The following TRDN variants were observed in gnomAD, a reference collection of about 807,000 sequenced individuals.
The protein encoded by TRDN is triadin, also known as triadin in skeletal muscle.
TRDN carries 161 observed loss-of-function variants against 149.7 expected under a neutral mutation model. The observed-to-expected ratio is 1.08, with a 90% CI of 0.95 to 1.23. The LOEUF is 1.23. TRDN is among the 50% of genes most tolerant of loss of function. The pLI is 0.00. For synonymous variants in TRDN, 294 were observed against 250.5 expected (o/e 1.17, Z -1.64); for missense variants, 896 against 823.5 (o/e 1.09, Z -1.08).
intron 24 of TRDN, among the ~76,000 whole-genome samples, chr6:123,279,464 T>C (rs980777306): frequency 5.9e-5 from 9 of 152,270 alleles, no homozygotes; most frequent in African/African-American, 2.2e-4. Context: ...GCTCTATTCA[T>C]AGTCAGTTTT....
At chr6:123,544,852 A>G (rs1430275243) in intron 4 of TRDN, among the ~76,000 whole-genome samples, 4 of 151,978 alleles carry the variant, frequency 2.6e-5, no homozygotes, top group Non-Finnish European at 5.9e-5. Context: ...CAGATTCCAC[A>G]GGCTAGCAGA....
chr6:123,474,109 G>A (rs1037274371), intron 9 of TRDN, among the ~76,000 whole-genome samples: 1 of 151,856 alleles, frequency 6.6e-6, no homozygotes, highest in African/African-American at 2.4e-5. Flanking sequence ...AACTTTAAAT[G>A]TCAATGGACT....
At chr6:123,428,579 C>T (rs1309229865) in intron 12 of TRDN, among the ~76,000 whole-genome samples, 1 of 152,212 alleles carries the variant, frequency 6.6e-6, no homozygotes, top group Non-Finnish European at 1.5e-5. Flanking sequence ...TCATCTGCCA[C>T]TTGCAAGATC....
chr6:123,294,186 T>C (rs116408602), intron 24 of TRDN, among the ~76,000 whole-genome samples: 1,544 of 152,248 alleles, frequency 0.01, 33 homozygotes, highest in African/African-American at 0.035. Context: ...TTAACAACCG[T>C]GGACAAGTTG....
chr6:123,474,258 C>A (rs1442379064), intron 9 of TRDN, among the ~76,000 whole-genome samples: 3 of 151,606 alleles, frequency 2.0e-5, no homozygotes, highest in Non-Finnish European at 4.4e-5. Flanking sequence ...ATCTACCAAG[C>A]AAATGGAAAA....
intron 35 of TRDN, 78 bp from the exon 36 acceptor site, chr6:123,255,980 T>G (rs1453498539): frequency 2.4e-6 from 2 of 821,430 alleles, no homozygotes; most frequent in Non-Finnish European, 3.3e-6. Flanking sequence ...GGGATACATG[T>G]GCAGAACATG....
chr6:123,570,165 G>A (rs1231821772), intron 2 of TRDN, among the ~76,000 whole-genome samples: 2 of 152,098 alleles, frequency 1.3e-5, no homozygotes, highest in African/African-American at 4.8e-5. Context: ...GGAGGGGAGA[G>A]TACATATGAG....
intron 1 of TRDN, among the ~76,000 whole-genome samples, chr6:123,610,889 A>T (rs1307300458): frequency 1.3e-5 from 2 of 152,184 alleles, no homozygotes; most frequent in African/African-American, 4.8e-5. Flanking sequence ...ATCAGATCCT[A>T]AAAATGTGCC....
intron 25 of TRDN, 89 bp downstream of exon 25, chr6:123,278,967 A>G: frequency 8.2e-7 from 1 of 1,215,684 alleles, no homozygotes; most frequent in African/African-American, 1.6e-5. Context: ...ACATGAAATC[A>G]AGATAAATAA....
intron 8 of TRDN, chr6:123,502,470 A>T (rs969908132): frequency 3.7e-6 from 3 of 800,816 alleles, no homozygotes; most frequent in East Asian, 1.3e-4. Flanking sequence ...CACTAAAAAA[A>T]GAAAAAATCT....
At chr6:123,229,859 A>T (rs897872054) in intron 38 of TRDN, among the ~76,000 whole-genome samples, 12 of 151,996 alleles carry the variant, frequency 7.9e-5, no homozygotes, top group Non-Finnish European at 8.8e-5. Context: ...TGTAGGTTTG[A>T]TAAGTGAATT....
intron 2 of TRDN, among the ~76,000 whole-genome samples, chr6:123,560,382 T>C (rs2114495291): frequency 6.6e-6 from 1 of 152,264 alleles, no homozygotes; most frequent in Non-Finnish European, 1.5e-5. Flanking sequence ...CAAGCTGTTT[T>C]ATAGGTGAAA....
intron 6 of TRDN, among the ~76,000 whole-genome samples, chr6:123,514,931 T>C (rs1583173429): frequency 6.6e-6 from 1 of 151,108 alleles, no homozygotes; most frequent in Non-Finnish European, 1.5e-5. Context: ...TTGTCAGGGG[T>C]TTGGGGGCAA....
intron 19 of TRDN, among the ~76,000 whole-genome samples, chr6:123,372,181 A>G (rs182090820): frequency 6.6e-6 from 1 of 152,092 alleles, no homozygotes; most frequent in Non-Finnish European, 1.5e-5. Flanking sequence ...CAAAAAAAAA[A>G]CCATGCAATT....
At chr6:123,583,752 C>G (rs1268512558) in intron 1 of TRDN, among the ~76,000 whole-genome samples, 1 of 152,084 alleles carries the variant, frequency 6.6e-6, no homozygotes, top group African/African-American at 2.4e-5. Flanking sequence ...AAGTGTCTAC[C>G]TAGACTAACA....
chr6:123,553,575 A>G (rs918400456), intron 2 of TRDN, among the ~76,000 whole-genome samples: 8 of 152,188 alleles, frequency 5.3e-5, no homozygotes, highest in African/African-American at 1.7e-4. Flanking sequence ...TACTGCTGAT[A>G]AAGACACACC....
Position 123,502,958 on chromosome 6 carries a change from C to T in TRDN, c.793+761G>A, listed in dbSNP as rs914908370. The T allele has an allele frequency of 3.7e-5, 36 of 985,112 alleles. No individual in the cohort carries two copies. The African/African-American group carries it at 6.1e-4, about 17-fold the overall frequency. 61.0% of individuals were successfully genotyped at this position (985,112 alleles called of 1,614,324 possible). On this transcript the variant is annotated intron_variant, in intron 8 of 40. Transcript: ENST00000334268. ...GCCAGAGATGTGGTACGATAAGACC[C>T]TTAGTTGCCCTCCTAAACCTTCAGC...
At chr6:123,601,404 A>G (rs1406071708) in intron 1 of TRDN, among the ~76,000 whole-genome samples, 1 of 152,162 alleles carries the variant, frequency 6.6e-6, no homozygotes, top group Non-Finnish European at 1.5e-5. Flanking sequence ...GCATACCCAT[A>G]GGATTTAAGA....
intron 2 of TRDN, among the ~76,000 whole-genome samples, chr6:123,554,911 C>A (rs560185082): frequency 6.6e-6 from 1 of 152,164 alleles, no homozygotes; most frequent in African/African-American, 2.4e-5. Flanking sequence ...TGTTAATAGT[C>A]AAATATTTCT....
Sources: gnomAD v4.1 joint callset for allele counts (sites outside exome capture counted in the v4.1 genomes callset) on GRCh38, gnomAD v4.1.1 for gene constraint, MANE v1.5 for transcripts, NCBI Gene and HGNC (gene_info 2026-07-23, HGNC 2026-07-21) for gene names.